SLC25A26: variants seen among roughly 807,000 people sequenced by gnomAD.
SLC25A26 encodes mitochondrial S-adenosylmethionine carrier protein.
A neutral mutation model predicts 37.8 loss-of-function variants in SLC25A26; 36 were observed. That is an observed-to-expected ratio of 0.95 (90% confidence interval 0.73 to 1.26). SLC25A26 has a LOEUF of 1.26. Among genes scored for constraint, SLC25A26 ranks in the 50% most tolerant of loss-of-function variants. The probability of loss-of-function intolerance (pLI) is 0.00; values close to 1 mark genes in which losing one functional copy is unlikely to be tolerated. For synonymous variants in SLC25A26, 129 were observed against 122.5 expected (o/e 1.05, Z -0.35); for missense variants, 390 against 331.1 (o/e 1.18, Z -1.38).
intron 5 of SLC25A26, among the ~76,000 whole-genome samples, chr3:66,277,027 C>G (rs1001530805): frequency 1.3e-5 from 2 of 150,320 alleles, no homozygotes; most frequent in Admixed American, 1.3e-4. Context: ...GATCAAGATA[C>G]CTGAATGGAT....
chr3:66,262,233 C>G (rs1235781861), intron 4 of SLC25A26, 78 bp downstream of exon 4: 2 of 713,990 alleles, frequency 2.8e-6, no homozygotes, highest in Non-Finnish European at 4.4e-6. Flanking sequence ...GGATTTCATC[C>G]TAAGAGCCTT....
chr3:66,344,166 G>A lies in SLC25A26; in HGVS notation c.454-2198G>A, dbSNP rs2076269662. On this transcript the variant is annotated intron_variant, in intron 5 of 9. Transcript: ENST00000354883. ...TCATTTGCTGTAGCTGAGTAAGACA[G>A]ATGATGCTAATCTTTAAATTTCTGA... Among the ~76,000 whole-genome samples the A allele has an allele frequency of 2.6e-5, 4 of 152,298 alleles. No individual in the cohort carries two copies. In the South Asian group the frequency reaches 8.3e-4, roughly 32 times the overall value.
At chr3:66,245,630 T>C (rs147955417) in intron 3 of SLC25A26, among the ~76,000 whole-genome samples, 1 of 152,370 alleles carries the variant, frequency 6.6e-6, no homozygotes, top group East Asian at 1.9e-4. Flanking sequence ...AATTGTGTTA[T>C]ATTGTGAATT....
intron 2 of SLC25A26, among the ~76,000 whole-genome samples, chr3:66,239,047 A>G (rs2072439863): frequency 6.6e-6 from 1 of 152,168 alleles, no homozygotes; most frequent in African/African-American, 2.4e-5. Flanking sequence ...GTCATAAAGG[A>G]AGTCAAAAGC....
chr3:66,219,934 G>A (rs1254838667), upstream of SLC25A26, among the ~76,000 whole-genome samples: 1 of 152,292 alleles, frequency 6.6e-6, no homozygotes, highest in East Asian at 1.9e-4. Context: ...CCCAGCAGGT[G>A]ATAGAATTTG....
chr3:66,240,547 G>C (rs528007078), intron 2 of SLC25A26, among the ~76,000 whole-genome samples: 91 of 152,222 alleles, frequency 6.0e-4, no homozygotes, highest in African/African-American at 2.0e-3. Context: ...AAAGTGCTGG[G>C]ATTACTGATG....
chr3:66,240,402 A>G (rs1252506773), intron 2 of SLC25A26, among the ~76,000 whole-genome samples: 1 of 151,846 alleles, frequency 6.6e-6, no homozygotes, highest in Non-Finnish European at 1.5e-5. Context: ...TGATCCTCCC[A>G]CCTCAGTCCC....
intron 1 of SLC25A26, among the ~76,000 whole-genome samples, chr3:66,195,773 A>C (rs1206959824): frequency 6.6e-6 from 1 of 152,260 alleles, no homozygotes; most frequent in Non-Finnish European, 1.5e-5. Flanking sequence ...AGAATATGCA[A>C]AAAGCATTGA....
At chr3:66,281,995 C>T (rs1349055105) in intron 5 of SLC25A26, among the ~76,000 whole-genome samples, 3 of 87,866 alleles carry the variant, frequency 3.4e-5, no homozygotes, top group African/African-American at 1.2e-4. Flanking sequence ...ACTGATTTTG[C>T]ATTTTTTTTT....
intron 6 of SLC25A26, among the ~76,000 whole-genome samples, chr3:66,361,997 G>T (rs1227519653): frequency 1.3e-5 from 2 of 151,946 alleles, no homozygotes; most frequent in Non-Finnish European, 2.9e-5. Flanking sequence ...AAGAAAGAAA[G>T]AAATACTGCA....
rs189405079 is a variant in SLC25A26 at position 66,331,388 on chromosome 3, C to G, written c.454-14976C>G. Reference sequence around the variant, plus strand: ...GATATACTGTTTTCATAAAGCATGGCTTTTGTTGTTACTTAATACCCTTTA... The same window carrying G: ...GATATACTGTTTTCATAAAGCATGGGTTTTGTTGTTACTTAATACCCTTTA... On this transcript the variant is annotated intron_variant, in intron 5 of 9. Coordinates refer to ENST00000354883, the MANE Select transcript of SLC25A26 (RefSeq NM_001379210.1). Among the ~76,000 whole-genome samples the G allele has an allele frequency of 2.0e-5, 3 of 152,194 alleles. No homozygotes were observed. The East Asian group carries it at 5.8e-4, about 29-fold the overall frequency.
At chr3:66,301,079 CTCAAATAATTGG>C (rs1478397296) in intron 5 of SLC25A26, among the ~76,000 whole-genome samples, 7 of 152,116 alleles carry the variant, frequency 4.6e-5, no homozygotes, top group African/African-American at 1.2e-4. Context: ...TCATTGTGTC[CTCAAATAATTGG>C]ATTCTGAAAT....
chr3:66,307,349 G>T (rs995304783), intron 5 of SLC25A26, among the ~76,000 whole-genome samples: 7 of 152,116 alleles, frequency 4.6e-5, no homozygotes, highest in Non-Finnish European at 7.4e-5. Context: ...TTCTGATGGG[G>T]TCGTTTGTTT....
intron 1 of SLC25A26, among the ~76,000 whole-genome samples, chr3:66,178,015 A>C (rs1029960253): frequency 6.6e-6 from 1 of 151,986 alleles, no homozygotes; most frequent in Non-Finnish European, 1.5e-5. Flanking sequence ...AAAGATGGCG[A>C]CCCCTTGTTT....
chr3:66,164,205 A>T (rs1246303091), intron 1 of SLC25A26, among the ~76,000 whole-genome samples: 1 of 152,240 alleles, frequency 6.6e-6, no homozygotes, highest in Non-Finnish European at 1.5e-5. Context: ...TGCAATTAAC[A>T]AGATACTCAA....
chr3:66,260,848 C>A lies in SLC25A26; in HGVS notation c.301-1203C>A, dbSNP rs1311727681. On this transcript the variant is annotated intron_variant, in intron 3 of 9. Transcript: ENST00000354883. ...CATAGTTGAACAATTGTGACAGAGACCATGTGGCTTGCAAACTGTAAAATA... is the reference window on the plus strand; with the variant it reads ...CATAGTTGAACAATTGTGACAGAGAACATGTGGCTTGCAAACTGTAAAATA... Among the ~76,000 whole-genome samples, 3 of 152,202 alleles carry A rather than the reference C, an allele frequency of 2.0e-5. No homozygotes were observed. In the East Asian group the frequency reaches 5.8e-4, roughly 29 times the overall value.
At chr3:66,291,884 A>G (rs181840002) in intron 5 of SLC25A26, among the ~76,000 whole-genome samples, 1 of 152,226 alleles carries the variant, frequency 6.6e-6, no homozygotes, top group African/African-American at 2.4e-5. Flanking sequence ...TGATCTGTCT[A>G]ATATTGACAG....
chr3:66,318,148 C>G (rs1241658438), intron 5 of SLC25A26, among the ~76,000 whole-genome samples: 2 of 152,154 alleles, frequency 1.3e-5, no homozygotes, highest in African/African-American at 4.8e-5. Flanking sequence ...TAGCCCCCTT[C>G]CCATGGGAGT....
chr3:66,170,286 A>G (rs143445044), intron 1 of SLC25A26, among the ~76,000 whole-genome samples: 1 of 152,348 alleles, frequency 6.6e-6, no homozygotes, highest in African/African-American at 2.4e-5. Context: ...CACCTCAGGT[A>G]TGACTGAGGC....
Sources: gnomAD v4.1 joint callset for allele counts (sites outside exome capture counted in the v4.1 genomes callset) on GRCh38, gnomAD v4.1.1 for gene constraint, MANE v1.5 for transcripts, NCBI Gene and HGNC (gene_info 2026-07-23, HGNC 2026-07-21) for gene names.